KCNJ6: variants seen among roughly 807,000 people sequenced by gnomAD.
KCNJ6 encodes the protein potassium inwardly rectifying channel subfamily J member 6, also known as G protein-activated inward rectifier potassium channel 2.
A neutral mutation model predicts 34.2 loss-of-function variants in KCNJ6; 9 were observed. That is an observed-to-expected ratio of 0.26 (90% CI 0.16 to 0.46). The LOEUF (loss-of-function observed/expected upper bound fraction) is 0.46, where lower values mean the gene tolerates loss of function less well. Ranked by LOEUF, KCNJ6 falls within the 20% of genes least tolerant of loss-of-function variation. KCNJ6 has a pLI of 1.00. For synonymous variants in KCNJ6, 196 were observed against 207.1 expected (o/e 0.95, Z 0.46); for missense variants, 236 against 531.3 (o/e 0.44, Z 5.46).
chr21:37,728,875 T>C (rs1431841402), intron 2 of KCNJ6, among the ~76,000 whole-genome samples: 2 of 152,182 alleles, frequency 1.3e-5, no homozygotes, highest in Admixed American at 1.3e-4. Context: ...TGTTTATCCT[T>C]TGGCATAAGT....
intron 2 of KCNJ6, among the ~76,000 whole-genome samples, chr21:37,828,811 G>A (rs182145804): frequency 2.0e-4 from 31 of 152,316 alleles, no homozygotes; most frequent in South Asian, 2.1e-4. Context: ...TCCCAGCTGT[G>A]GACTGTCCAC....
chr21:37,834,107 C>A (rs1436161573), intron 2 of KCNJ6, among the ~76,000 whole-genome samples: 1 of 152,232 alleles, frequency 6.6e-6, no homozygotes, highest in Non-Finnish European at 1.5e-5. Flanking sequence ...CTCCTGGATT[C>A]TTTCATCCGT....
chr21:37,803,499 C>T (rs1007622695), intron 2 of KCNJ6, among the ~76,000 whole-genome samples: 6 of 152,080 alleles, frequency 3.9e-5, no homozygotes, highest in African/African-American at 1.4e-4. Context: ...TATCATAATT[C>T]CTGACACTCT....
At chr21:37,773,661 A>G (rs1286873277) in intron 2 of KCNJ6, among the ~76,000 whole-genome samples, 1 of 152,022 alleles carries the variant, frequency 6.6e-6, no homozygotes, top group East Asian at 1.9e-4. Flanking sequence ...TAAATTCATC[A>G]TCTCTATTTT....
At chr21:37,892,893 C>T (rs1267163604) in intron 1 of KCNJ6, among the ~76,000 whole-genome samples, 4 of 149,474 alleles carry the variant, frequency 2.7e-5, no homozygotes, top group African/African-American at 7.4e-5. Context: ...TGCTCTGTCA[C>T]CCAGGCTGGA....
chr21:37,812,597 C>T (rs960705726), intron 2 of KCNJ6, among the ~76,000 whole-genome samples: 1 of 152,138 alleles, frequency 6.6e-6, no homozygotes, highest in African/African-American at 2.4e-5. Flanking sequence ...CCCTGGCATG[C>T]AAGGATGGTT....
intron 3 of KCNJ6, among the ~76,000 whole-genome samples, chr21:37,634,506 T>C (rs1032986151): frequency 6.6e-6 from 1 of 152,134 alleles, no homozygotes; most frequent in Non-Finnish European, 1.5e-5. Context: ...CACAATGAAC[T>C]AGGACAGCAG....
At position 37,834,173 on chromosome 21, in the gene KCNJ6, C is replaced by T. The variant is rs934409170; in HGVS notation, c.25+6485G>A. On this transcript the variant is annotated intron_variant, in intron 2 of 3. Transcript: ENST00000609713. ...GCCTCAGTGGATTCCTTCTAAAATGCTGATCTTCTTTGAAACCTTCAGCAC... is the reference window on the plus strand; with the variant it reads ...GCCTCAGTGGATTCCTTCTAAAATGTTGATCTTCTTTGAAACCTTCAGCAC... Among the ~76,000 whole-genome samples, 6 of 152,332 alleles carry T rather than the reference C, an allele frequency of 3.9e-5. 1 individual carries two copies. The South Asian group carries it at 1.2e-3, about 32-fold the overall frequency.
chr21:37,655,139 G>A (rs1199141949), intron 3 of KCNJ6, among the ~76,000 whole-genome samples: 1 of 150,564 alleles, frequency 6.6e-6, no homozygotes, highest in African/African-American at 2.5e-5. Context: ...AGCTAGTCCT[G>A]CCATGGTCTT....
intron 3 of KCNJ6, among the ~76,000 whole-genome samples, chr21:37,684,939 C>T (rs966097937): frequency 6.6e-6 from 1 of 152,060 alleles, no homozygotes; most frequent in Non-Finnish European, 1.5e-5. Context: ...ATAACTTTCA[C>T]TACATAAAAT....
At chr21:37,636,675 G>A (rs2054359406) in intron 3 of KCNJ6, among the ~76,000 whole-genome samples, 1 of 152,184 alleles carries the variant, frequency 6.6e-6, no homozygotes, top group South Asian at 2.1e-4. Context: ...CATAGCTAAG[G>A]AATGTGCCAT....
At chr21:37,727,760 G>C (rs989986338) in intron 2 of KCNJ6, among the ~76,000 whole-genome samples, 1 of 152,110 alleles carries the variant, frequency 6.6e-6, no homozygotes, top group African/African-American at 2.4e-5. Context: ...GGAGAAAGAT[G>C]GGGGAGAAAC....
chr21:37,902,645 C>T (rs952496727), intron 1 of KCNJ6, among the ~76,000 whole-genome samples: 2 of 152,094 alleles, frequency 1.3e-5, no homozygotes, highest in Admixed American at 1.3e-4. Context: ...TAGTCTGACC[C>T]TCGTTGGCAA....
rs765218182 is a variant in KCNJ6, at chr21:37,620,047, T to A, written c.*5112A>T. The A allele has an allele frequency of 6.6e-6, 1 of 152,170 alleles. No homozygotes were observed. The highest frequency in any genetic ancestry group is 1.5e-5 in the Non-Finnish European group (1 of 68,028). The allele number at this position is 152,170 out of a possible 1,614,324, so 9.4% of individuals were successfully genotyped here. A position where few individuals can be genotyped will look rare whatever the true frequency, so the allele number is the denominator to read the frequency against. ...TTTGACAACCGAAAAAAAAGAGTTA[T>A]GTTATTTTGAACAGACTTATGAGTG... On this transcript the variant is annotated 3_prime_UTR_variant, in exon 4 of 4. Transcript: ENST00000609713.
chr21:37,654,143 G>A (rs4239801), intron 3 of KCNJ6, among the ~76,000 whole-genome samples: 21,982 of 146,310 alleles, frequency 0.15, 2,771 homozygotes, highest in African/African-American at 0.34. Flanking sequence ...TGAGCATTAG[G>A]GATCATGGAC....
intron 1 of KCNJ6, among the ~76,000 whole-genome samples, chr21:37,907,659 C>G (rs1304060151): frequency 1.3e-5 from 2 of 152,182 alleles, no homozygotes; most frequent in Non-Finnish European, 2.9e-5. Flanking sequence ...CACTTTGTAG[C>G]TTCCACTGCT....
chr21:37,888,959 G>C (rs1327075233), intron 1 of KCNJ6, among the ~76,000 whole-genome samples: 1 of 152,232 alleles, frequency 6.6e-6, no homozygotes, highest in East Asian at 1.9e-4. Context: ...GTTCACAGAA[G>C]TTGAGACCTC....
chr21:37,897,772 G>A (rs1006114691), intron 1 of KCNJ6, among the ~76,000 whole-genome samples: 32 of 152,186 alleles, frequency 2.1e-4, no homozygotes, highest in African/African-American at 6.3e-4. Flanking sequence ...AATCGCATGT[G>A]TCCATCTCAG....
At chr21:37,907,528 C>A (rs1433895116) in intron 1 of KCNJ6, among the ~76,000 whole-genome samples, 1 of 152,134 alleles carries the variant, frequency 6.6e-6, no homozygotes, top group African/African-American at 2.4e-5. Flanking sequence ...GCTCTCTCAG[C>A]TTCTTTATGC....
Sources: allele counts gnomAD v4.1 joint callset (sites outside exome capture counted in the v4.1 genomes callset), GRCh38; gene constraint gnomAD v4.1.1; transcripts MANE v1.5; gene names NCBI Gene and HGNC (gene_info 2026-07-23, HGNC 2026-07-21).